Variants in RHBDL2 observed in about 807,000 individuals in gnomAD.
RHBDL2 encodes the protein rhomboid-related protein 2.
In RHBDL2, 26 loss-of-function variants were observed where a neutral mutation model predicts 31.7. The observed-to-expected ratio is 0.82, with a 90% CI of 0.60 to 1.14. The LOEUF (loss-of-function observed/expected upper bound fraction) is 1.14, where lower values mean the gene tolerates loss of function less well. Ranked by LOEUF, RHBDL2 falls within the 50% of genes most tolerant of loss-of-function variation. The pLI, the probability that RHBDL2 is intolerant of heterozygous loss-of-function variation, is 0.00. For missense variants in RHBDL2, 336 were observed against 364.4 expected, an observed-to-expected ratio of 0.92 and a Z score of 0.63; for synonymous variants, 123 against 127.2, an observed-to-expected ratio of 0.97 and a Z score of 0.22.
chr1:38,902,283 G>A (rs1382925436), intron 4 of RHBDL2, among the ~76,000 whole-genome samples: 1 of 134,204 alleles, frequency 7.5e-6, no homozygotes, highest in African/African-American at 2.7e-5. Context: ...ACAGCTCACT[G>A]CAGCCTCGAC....
chr1:38,887,388 C>T (rs1642797173), intron 7 of RHBDL2, among the ~76,000 whole-genome samples: 1 of 151,892 alleles, frequency 6.6e-6, no homozygotes, highest in Admixed American at 6.6e-5. Flanking sequence ...GCTAAACCAA[C>T]TGCTTTTTAT....
intron 3 of RHBDL2, among the ~76,000 whole-genome samples, chr1:38,911,662 G>C (rs1347742675): frequency 6.6e-6 from 1 of 151,356 alleles, no homozygotes. Context: ...GCGCGCGCGT[G>C]TGTGACTTGC....
chr1:38,908,560 A>C, intron 4 of RHBDL2, among the ~76,000 whole-genome samples: 2 of 143,844 alleles, frequency 1.4e-5, no homozygotes, highest in Admixed American at 7.1e-5. Flanking sequence ...ATCACTACCC[A>C]CTTAGGAGTG....
chr1:38,925,843 G>T, intron 1 of RHBDL2: 1 of 613,732 alleles, frequency 1.6e-6, no homozygotes, highest in Non-Finnish European at 2.4e-6. Flanking sequence ...AAGGATAACA[G>T]TCATGTGAGA....
At chr1:38,908,410 G>T (rs1441028306) in intron 4 of RHBDL2, among the ~76,000 whole-genome samples, 1 of 151,266 alleles carries the variant, frequency 6.6e-6, no homozygotes, top group Non-Finnish European at 1.5e-5. Flanking sequence ...TACTCGGGAG[G>T]CTGAGGCAGG....
intron 6 of RHBDL2, among the ~76,000 whole-genome samples, chr1:38,888,896 T>A (rs2124298421): frequency 6.6e-6 from 1 of 152,304 alleles, no homozygotes; most frequent in South Asian, 2.1e-4. Flanking sequence ...GTGGTAAAGT[T>A]GTTTCCAACA....
At chr1:38,921,104 T>C (rs1643308646) in intron 1 of RHBDL2, among the ~76,000 whole-genome samples, 1 of 152,148 alleles carries the variant, frequency 6.6e-6, no homozygotes. Flanking sequence ...ATAATGCATG[T>C]AAAGCACTTA....
chr1:38,917,207 C>CG (rs1639493913), intron 2 of RHBDL2, among the ~76,000 whole-genome samples: 1 of 151,558 alleles, frequency 6.6e-6, no homozygotes, highest in Non-Finnish European at 1.5e-5. Flanking sequence ...TTAGTAGAGA[C>CG]AGGGTTTCAC....
At chr1:38,905,402 T>C (rs1277512208) in intron 4 of RHBDL2, among the ~76,000 whole-genome samples, 4 of 151,934 alleles carry the variant, frequency 2.6e-5, no homozygotes, top group Non-Finnish European at 5.9e-5. Flanking sequence ...CTCTGCTCGA[T>C]AGATTTCTTG....
intron 1 of RHBDL2, among the ~76,000 whole-genome samples, chr1:38,923,988 A>G (rs979437947): frequency 4.6e-5 from 7 of 152,166 alleles, no homozygotes; most frequent in Non-Finnish European, 1.0e-4. Flanking sequence ...TTCCTTATGC[A>G]CACCAAGAAC....
chr1:38,937,088 C>T (rs1643519074), intron 1 of RHBDL2, among the ~76,000 whole-genome samples: 1 of 152,084 alleles, frequency 6.6e-6, no homozygotes, highest in Non-Finnish European at 1.5e-5. Flanking sequence ...GCTGAGACTA[C>T]AGGCACCCGC....
intron 4 of RHBDL2, among the ~76,000 whole-genome samples, chr1:38,902,817 G>T (rs1162316189): frequency 6.6e-6 from 1 of 152,100 alleles, no homozygotes; most frequent in Non-Finnish European, 1.5e-5. Flanking sequence ...CTCCCAAAGT[G>T]CTGGGATTAC....
At chr1:38,933,161 G>A (rs1004935846) in intron 1 of RHBDL2, among the ~76,000 whole-genome samples, 3 of 151,974 alleles carry the variant, frequency 2.0e-5, no homozygotes, top group Non-Finnish European at 2.9e-5. Flanking sequence ...TTCTCCCAAC[G>A]ACTCAGTGCT....
At chr1:38,914,778 C>T (rs990817815) in intron 3 of RHBDL2, among the ~76,000 whole-genome samples, 1 of 151,442 alleles carries the variant, frequency 6.6e-6, no homozygotes, top group Non-Finnish European at 1.5e-5. Context: ...ACCTGTAATC[C>T]CAGCACTTTG....
At chr1:38,907,513 C>T (rs1398788038) in intron 4 of RHBDL2, among the ~76,000 whole-genome samples, 1 of 151,948 alleles carries the variant, frequency 6.6e-6, no homozygotes, top group Non-Finnish European at 1.5e-5. Flanking sequence ...GCACTTCAGC[C>T]TGGGCGACAA....
chr1:38,911,659 C>T (rs1033857423), intron 3 of RHBDL2, among the ~76,000 whole-genome samples: 14 of 147,592 alleles, frequency 9.5e-5, no homozygotes, highest in East Asian at 6.0e-4. Context: ...CGCGCGCGCG[C>T]GTGTGTGACT....
At position 38,941,668 on chromosome 1, in the gene RHBDL2, C is replaced by A. The variant is rs1342573748; in HGVS notation, c.-126+14G>T. On this transcript the variant is annotated intron_variant, in intron 1 of 7. Coordinates refer to ENST00000372990, the MANE Select transcript of RHBDL2 (RefSeq NM_017821.5). The stretch of plus-strand genomic sequence containing the variant: ...TAGGACTCCCTCCACTCCCTCCCAG[C>A]TCCCACATCTTACCCTGAAAGACCA... 2 of 152,728 alleles carry A rather than the reference C, an allele frequency of 1.3e-5. No individual in the cohort carries two copies. The highest frequency in any genetic ancestry group is 1.5e-5 in the Non-Finnish European group (1 of 68,466). The allele number at this position is 152,728 out of a possible 1,614,324, so 9.5% of individuals were successfully genotyped here.
At chr1:38,894,921 G>T (rs534672187) in intron 5 of RHBDL2, among the ~76,000 whole-genome samples, 5 of 152,098 alleles carry the variant, frequency 3.3e-5, no homozygotes, top group Non-Finnish European at 7.4e-5. Context: ...TGGCCTGGAT[G>T]GTCTCGATCT....
intron 4 of RHBDL2, among the ~76,000 whole-genome samples, chr1:38,910,999 G>A (rs6689995): frequency 0.15 from 23,212 of 151,686 alleles, 2,246 homozygotes; most frequent in Non-Finnish European, 0.22. Context: ...GGCTGGTCTC[G>A]AACTCCTGGC....
Sources: gnomAD v4.1 joint callset for allele counts (sites outside exome capture counted in the v4.1 genomes callset) on GRCh38, gnomAD v4.1.1 for gene constraint, MANE v1.5 for transcripts, NCBI Gene and HGNC (gene_info 2026-07-23, HGNC 2026-07-21) for gene names.